The following MTX2 variants were observed in gnomAD, a reference collection of about 807,000 sequenced individuals.
The protein encoded by MTX2 is metaxin 2.
A neutral mutation model predicts 42.3 loss-of-function variants in MTX2; 35 were observed. The ratio of observed to expected loss-of-function variants is 0.83; its 90% CI spans 0.63 to 1.10. MTX2 has a LOEUF of 1.10. Ranked by LOEUF, MTX2 falls within the 50% of genes least tolerant of loss-of-function variation. MTX2 has a pLI of 0.00. For missense variants in MTX2, 307 were observed against 304.1 expected (o/e 1.01, Z -0.07); for synonymous variants, 119 against 100.9 (o/e 1.18, Z -1.08).
chr2:176,326,649 A>G (rs920688781), intron 4 of MTX2, among the ~76,000 whole-genome samples, 176 bp from the exon 5 acceptor site: 3 of 151,568 alleles, frequency 2.0e-5, no homozygotes, highest in Non-Finnish European at 3.0e-5. Flanking sequence ...TTGGTTAGTA[A>G]TCAGTTTAAA....
chr2:176,290,832 C>CAT (rs71004265), intron 1 of MTX2, among the ~76,000 whole-genome samples: 40,003 of 148,390 alleles, frequency 0.27, 5,605 homozygotes, highest in African/African-American at 0.35. Flanking sequence ...GGAAGAAAAA[C>CAT]ATAAATTAAC....
At chr2:176,275,220 T>A (rs1692919305) in intron 1 of MTX2, among the ~76,000 whole-genome samples, 2 of 152,078 alleles carry the variant, frequency 1.3e-5, no homozygotes, top group Non-Finnish European at 2.9e-5. Context: ...TTTCTCTAGA[T>A]GATGATGTGC....
At chr2:176,286,313 T>C (rs1308153616) in intron 1 of MTX2, among the ~76,000 whole-genome samples, 1 of 152,212 alleles carries the variant, frequency 6.6e-6, no homozygotes, top group Non-Finnish European at 1.5e-5. Context: ...GTTATCATAA[T>C]CATCATCTGC....
Position 176,323,427 on chromosome 2 carries a change from A to G in MTX2, c.171A>G (p.Val57=), listed in dbSNP as rs1233456060. 1 of 1,611,440 alleles carries G rather than the reference A, an allele frequency of 6.2e-7. No individual in the cohort carries two copies. The highest frequency in any genetic ancestry group is 8.5e-7 in the Non-Finnish European group (1 of 1,178,302). ...AAATGTGTAACTTGCCTATCAAAGT[A>G]GTTTGTAGGGCAAATGCAGAATATA... ...FLQMCNLPIK[V]VCRANAEYMS... is the part of the protein sequence containing the mutation. The change falls in exon 4 of 10, where the codon GTA becomes GTG. Residue 57 remains valine (V), a synonymous_variant. Coordinates refer to ENST00000249442, the MANE Select transcript of MTX2 (RefSeq NM_006554.5).
chr2:176,320,692 AT>A (rs1176962010), intron 3 of MTX2, among the ~76,000 whole-genome samples: 1 of 127,416 alleles, frequency 7.8e-6, no homozygotes, highest in Non-Finnish European at 1.7e-5. Context: ...CTTTTTACTT[AT>A]TCTTTTTTTT....
intron 3 of MTX2, among the ~76,000 whole-genome samples, chr2:176,320,847 ACCATGCC>A (rs1275057772): frequency 6.6e-6 from 1 of 151,966 alleles, no homozygotes; most frequent in Non-Finnish European, 1.5e-5. Flanking sequence ...GGTGTGCACC[ACCATGCC>A]CAGCTAATTC....
chr2:176,331,737 G>A (rs1217359036), intron 9 of MTX2, among the ~76,000 whole-genome samples: 3 of 151,170 alleles, frequency 2.0e-5, no homozygotes, highest in Non-Finnish European at 4.5e-5. Flanking sequence ...TTGCTCTACA[G>A]ATTCTATTTT....
At chr2:176,310,957 T>G (rs1017339936) in intron 3 of MTX2, among the ~76,000 whole-genome samples, 3 of 152,202 alleles carry the variant, frequency 2.0e-5, no homozygotes, top group Non-Finnish European at 4.4e-5. Flanking sequence ...GAGGAGCTGC[T>G]ATCCTTTGGA....
intron 1 of MTX2, among the ~76,000 whole-genome samples, chr2:176,282,125 A>AGTTTTTTTT (rs1447973308): frequency 4.7e-5 from 1 of 21,060 alleles, no homozygotes. Flanking sequence ...GAGTTACAGT[A>AGTTTTTTTT]GTTTTTTTTT....
chr2:176,307,236 C>A (rs1405897043), intron 3 of MTX2, among the ~76,000 whole-genome samples: 1 of 152,144 alleles, frequency 6.6e-6, no homozygotes, highest in Non-Finnish European at 1.5e-5. Context: ...GGTGTTATTT[C>A]TGAGGGCTCT....
intron 3 of MTX2, among the ~76,000 whole-genome samples, chr2:176,311,859 GGTGAGGCA>G (rs1684318467): frequency 6.6e-6 from 1 of 152,118 alleles, no homozygotes; most frequent in African/African-American, 2.4e-5. Flanking sequence ...GCGCTTCCTG[GGTGAGGCA>G]GTGCCCCACC....
At position 176,331,273 on chromosome 2, in the gene MTX2, A is replaced by G. The variant is rs115078862; in HGVS notation, c.620+613A>G. ...AAGACTCTAATGAAGGCAAAGAATG[A>G]ATTTTCCGTTGTTAAAAAATTACAA... is the stretch of plus-strand genomic sequence containing the variant. On this transcript the variant is annotated intron_variant, in intron 9 of 9. Transcript: ENST00000249442. 8.7e-3 allele frequency among the ~76,000 whole-genome samples: 1,310 copies of G among 151,234 alleles called. 23 individuals are homozygous for G. The highest frequency in any genetic ancestry group is 0.03 in the African/African-American group (1,236 of 41,464).
chr2:176,291,025 T>A (rs1209701240), intron 1 of MTX2, among the ~76,000 whole-genome samples: 1 of 152,122 alleles, frequency 6.6e-6, no homozygotes, highest in Non-Finnish European at 1.5e-5. Context: ...AGAATCACCA[T>A]TTATGAAAAT....
At chr2:176,327,708 T>C (rs1684742948) in intron 5 of MTX2, among the ~76,000 whole-genome samples, 1 of 150,844 alleles carries the variant, frequency 6.6e-6, no homozygotes, top group African/African-American at 2.4e-5. Flanking sequence ...TTTTCTTATA[T>C]ATACATCTTT....
Position 176,297,836 on chromosome 2 carries a change from T to C in MTX2, c.89-13T>C, listed in dbSNP as rs764606694. The C allele has an allele frequency of 1.6e-5, 25 of 1,530,532 alleles. No individual in the cohort carries two copies. The highest frequency in any genetic ancestry group is 6.5e-5 in the South Asian group (5 of 76,532). 94.8% of individuals were successfully genotyped at this position (1,530,532 alleles called of 1,614,324 possible). ...TACTTGGTTAACATTTATGCTTCATTGTATTTCCACAGGGGAGCAAATTTT... is the reference window on the plus strand; with the variant it reads ...TACTTGGTTAACATTTATGCTTCATCGTATTTCCACAGGGGAGCAAATTTT... On this transcript the variant is annotated splice_polypyrimidine_tract_variant and intron_variant, in intron 2 of 9. Coordinates refer to ENST00000249442, the MANE Select transcript of MTX2 (RefSeq NM_006554.5).
chr2:176,274,544 C>G (rs1004326829), intron 1 of MTX2, among the ~76,000 whole-genome samples: 3 of 152,120 alleles, frequency 2.0e-5, no homozygotes, highest in African/African-American at 7.2e-5. Flanking sequence ...CTATTTCTCT[C>G]TCGAGCCACA....
rs143119891 is a variant in MTX2 at position 176,317,314 on chromosome 2, G to A, written c.136-6078G>A. ...GTGATACTTGTACATACCTTATAGG[G>A]TAAAGTTCTTGTGCAAGTACTTGGC... On this transcript the variant is annotated intron_variant, in intron 3 of 9. Coordinates refer to ENST00000249442, the MANE Select transcript of MTX2 (RefSeq NM_006554.5). 2.0e-5 allele frequency among the ~76,000 whole-genome samples: 3 copies of A among 151,904 alleles called. No individual in the cohort carries two copies. The East Asian group carries it at 5.8e-4, about 29-fold the overall frequency.
intron 1 of MTX2, among the ~76,000 whole-genome samples, chr2:176,272,234 C>T (rs1692832837): frequency 6.6e-6 from 1 of 151,936 alleles, no homozygotes; most frequent in Non-Finnish European, 1.5e-5. Context: ...AGGTGGTTAC[C>T]AGAGGCTGAG....
chr2:176,324,599 A>T (rs988585498), intron 4 of MTX2, among the ~76,000 whole-genome samples: 4 of 151,622 alleles, frequency 2.6e-5, no homozygotes, highest in Admixed American at 6.6e-5. Context: ...CAGTTTGTAT[A>T]TTTATGTAAA....
Sources: allele counts gnomAD v4.1 joint callset (sites outside exome capture counted in the v4.1 genomes callset), GRCh38; gene constraint gnomAD v4.1.1; transcripts MANE v1.5; gene names NCBI Gene and HGNC (gene_info 2026-07-23, HGNC 2026-07-21).